The following SLC24A2 variants were observed in gnomAD, a reference collection of about 807,000 sequenced individuals.
The protein encoded by SLC24A2 is sodium/potassium/calcium exchanger 2.
A neutral mutation model predicts 62.0 loss-of-function variants in SLC24A2; 36 were observed. That is an observed-to-expected ratio of 0.58 (90% CI 0.44 to 0.77). The LOEUF (loss-of-function observed/expected upper bound fraction) is 0.77. Ranked by LOEUF, SLC24A2 falls within the 30% of genes least tolerant of loss-of-function variation. The probability of loss-of-function intolerance (pLI) is 0.00; values close to 1 mark genes in which losing one functional copy is unlikely to be tolerated. For missense variants in SLC24A2, 846 were observed against 817.9 expected (o/e 1.03, Z -0.42); for synonymous variants, 358 against 294.0 (o/e 1.22, Z -2.23).
chr9:20,180,384 G>T, the SLC24A2 span, among the ~76,000 whole-genome samples: 1 of 151,984 alleles, frequency 6.6e-6, no homozygotes, highest in East Asian at 1.9e-4. Context: ...AGAAAGAAAT[G>T]GTGTGTCTGT....
At chr9:19,951,294 C>T in the SLC24A2 span, among the ~76,000 whole-genome samples, 2 of 150,436 alleles carry the variant, frequency 1.3e-5, no homozygotes, top group Non-Finnish European at 3.0e-5. Context: ...TTTTTCAAAC[C>T]TGTGACTTAG....
the SLC24A2 span, among the ~76,000 whole-genome samples, chr9:20,007,769 AC>A: frequency 1.3e-5 from 2 of 151,640 alleles, no homozygotes; most frequent in African/African-American, 4.8e-5. Context: ...TAATCCCAAA[AC>A]TATTATAAAT....
At chr9:19,988,308 A>T in the SLC24A2 span, among the ~76,000 whole-genome samples, 1 of 152,156 alleles carries the variant, frequency 6.6e-6, no homozygotes, top group Non-Finnish European at 1.5e-5. Context: ...TCAGTCTGGG[A>T]ACAGACACAG....
At chr9:19,815,513 T>C in the SLC24A2 span, among the ~76,000 whole-genome samples, 1 of 152,150 alleles carries the variant, frequency 6.6e-6, no homozygotes, top group South Asian at 2.1e-4. Context: ...TCATATCCTT[T>C]TTTTCCTTTT....
intron 4 of SLC24A2, among the ~76,000 whole-genome samples, chr9:19,611,458 T>G (rs542480363): frequency 2.9e-5 from 4 of 138,750 alleles, no homozygotes; most frequent in African/African-American, 5.4e-5. Context: ...GAAGAGAGGA[T>G]AGGAGGAAGA....
the SLC24A2 span, among the ~76,000 whole-genome samples, chr9:19,931,419 C>G: frequency 2.0e-5 from 3 of 152,096 alleles, no homozygotes; most frequent in African/African-American, 7.2e-5. Flanking sequence ...AGAGAAAACC[C>G]ACAATTCTTT....
chr9:20,054,810 T>A, the SLC24A2 span, among the ~76,000 whole-genome samples: 1 of 152,160 alleles, frequency 6.6e-6, no homozygotes, highest in Admixed American at 6.5e-5. Flanking sequence ...AAGTGTTAAA[T>A]TACATAAGTA....
chr9:19,529,733 G>C (rs1282132174), intron 8 of SLC24A2, among the ~76,000 whole-genome samples: 1 of 150,262 alleles, frequency 6.7e-6, no homozygotes, highest in Non-Finnish European at 1.5e-5. Flanking sequence ...TTTTTTTAAA[G>C]TGGAGTTGGA....
intron 2 of SLC24A2, among the ~76,000 whole-genome samples, chr9:19,759,625 G>C (rs1402502620): frequency 6.6e-6 from 1 of 152,146 alleles, no homozygotes; most frequent in Non-Finnish European, 1.5e-5. Context: ...TTTAAGTAAA[G>C]AATACTCTAG....
chr9:20,261,731 A>ATTTTTT, the SLC24A2 span, among the ~76,000 whole-genome samples: 46 of 89,462 alleles, frequency 5.1e-4, no homozygotes, highest in East Asian at 1.1e-3. Context: ...AAAACACCAA[A>ATTTTTT]TCTTTTTTTT....
the SLC24A2 span, among the ~76,000 whole-genome samples, chr9:20,136,036 C>T: frequency 2.6e-5 from 4 of 152,042 alleles, no homozygotes; most frequent in South Asian, 6.2e-4. Context: ...GAAATGACAA[C>T]CCCTCTTTGC....
At chr9:20,141,369 T>G in the SLC24A2 span, among the ~76,000 whole-genome samples, 2 of 152,036 alleles carry the variant, frequency 1.3e-5, no homozygotes, top group South Asian at 4.2e-4. Context: ...CCAAGACCAT[T>G]TGTGGTCGTC....
rs779906914 is a variant in SLC24A2, at chr9:19,511,290, A to ACAGAGG, written c.*4857_*4862dup. 2.6e-5 allele frequency: 4 copies of ACAGAGG among 152,200 alleles called. No homozygotes were observed. The highest frequency in any genetic ancestry group is 9.7e-5 in the African/African-American group (4 of 41,436). The allele number at this position is 152,200 out of a possible 1,614,324, so 9.4% of individuals were successfully genotyped here. A position where few individuals can be genotyped will look rare whatever the true frequency, so the allele number is the denominator to read the frequency against. ...CTGAGATTAAAAATGAAACGCAAAG[A>ACAGAGG]CAGAGGCAGAGGCAGAGTCAGGGAG... On this transcript the variant is annotated 3_prime_UTR_variant, in exon 11 of 11. Transcript: ENST00000341998.
intron 5 of SLC24A2, among the ~76,000 whole-genome samples, chr9:19,584,530 G>C (rs1378521922): frequency 1.3e-5 from 2 of 152,102 alleles, no homozygotes; most frequent in African/African-American, 4.8e-5. Flanking sequence ...CTAGCAACTA[G>C]AAGAAACAAA....
intron 2 of SLC24A2, among the ~76,000 whole-genome samples, chr9:19,656,807 G>T (rs1818955745): frequency 5.3e-5 from 8 of 151,978 alleles, no homozygotes. Context: ...TTTCTCTTTT[G>T]CCTCCTGCTT....
At chr9:20,089,213 C>T in the SLC24A2 span, among the ~76,000 whole-genome samples, 15 of 152,146 alleles carry the variant, frequency 9.9e-5, no homozygotes, top group Admixed American at 9.8e-4. Context: ...TCTGGACCCC[C>T]AGCACAGAAC....
chr9:20,269,544 A>G, the SLC24A2 span, among the ~76,000 whole-genome samples: 1 of 152,140 alleles, frequency 6.6e-6, no homozygotes, highest in Non-Finnish European at 1.5e-5. Flanking sequence ...GTCTCTCTTC[A>G]TTCCCAGCAG....
chr9:20,115,437 C>T, the SLC24A2 span, among the ~76,000 whole-genome samples: 57 of 152,194 alleles, frequency 3.7e-4, no homozygotes, highest in Middle Eastern at 3.4e-3. Context: ...ACAAGGGAAA[C>T]TTAGAAAGAC....
At chr9:19,534,629 T>C (rs1833869754) in intron 8 of SLC24A2, among the ~76,000 whole-genome samples, 3 of 152,110 alleles carry the variant, frequency 2.0e-5, no homozygotes, top group African/African-American at 7.2e-5. Flanking sequence ...TGTTCTTGTG[T>C]TAGTTTGCTG....
Sources: allele counts gnomAD v4.1 joint callset (sites outside exome capture counted in the v4.1 genomes callset), GRCh38; gene constraint gnomAD v4.1.1; transcripts MANE v1.5; gene names NCBI Gene and HGNC (gene_info 2026-07-23, HGNC 2026-07-21).